The following TLK1 variants were observed in gnomAD, a reference collection of about 807,000 sequenced individuals.
TLK1 encodes tousled like kinase 1, also known as serine/threonine-protein kinase tousled-like 1.
TLK1 carries 24 observed loss-of-function variants against 105.3 expected under a neutral mutation model. The ratio of observed to expected loss-of-function variants is 0.23; its 90% CI spans 0.17 to 0.32. The LOEUF is 0.32. Ranked by LOEUF, TLK1 falls within the 10% of genes least tolerant of loss-of-function variation. TLK1 has a pLI of 1.00. For missense variants in TLK1, 558 were observed against 910.5 expected, an observed-to-expected ratio of 0.61 and a Z score of 4.98; for synonymous variants, 321 against 310.4, an observed-to-expected ratio of 1.03 and a Z score of -0.36.
At chr2:171,001,309 A>G (rs530405318) in intron 18 of TLK1, among the ~76,000 whole-genome samples, 1 of 152,208 alleles carries the variant, frequency 6.6e-6, no homozygotes, top group East Asian at 1.9e-4. Flanking sequence ...CTTGATCTAG[A>G]GGCTGAATTA....
chr2:171,024,990 T>A (rs1006597615), intron 12 of TLK1, among the ~76,000 whole-genome samples: 15 of 152,326 alleles, frequency 9.8e-5, no homozygotes, highest in Middle Eastern at 6.8e-3. Flanking sequence ...GCTGTGATTT[T>A]CCTAATCTCA....
chr2:171,207,097 G>A (rs574974523), intron 1 of TLK1, among the ~76,000 whole-genome samples: 1 of 152,172 alleles, frequency 6.6e-6, no homozygotes, highest in Non-Finnish European at 1.5e-5. Flanking sequence ...ACCTGCACAT[G>A]GATGTTTATA....
intron 2 of TLK1, among the ~76,000 whole-genome samples, chr2:171,101,144 G>C (rs909390093): frequency 2.7e-4 from 41 of 152,016 alleles, no homozygotes; most frequent in Non-Finnish European, 1.5e-5. Context: ...TCAGGAGTTT[G>C]AGACCAGCCT....
intron 1 of TLK1, among the ~76,000 whole-genome samples, chr2:171,204,055 GAAAAA>G (rs964924761): frequency 1.4e-5 from 2 of 144,012 alleles, no homozygotes; most frequent in Admixed American, 6.9e-5. Context: ...CTCTGTCTCA[GAAAAA>G]AAAAAGAAAA....
rs1687431302 is a variant in TLK1, at chr2:171,055,066, T to A, written c.639+17A>T. On this transcript the variant is annotated intron_variant, in intron 7 of 20. Coordinates refer to ENST00000431350, the MANE Select transcript of TLK1 (RefSeq NM_012290.5). Reference sequence around the variant, plus strand: ...TTCTTAGAAGCCATAGAAAAAAACATTTTAATTATCATTTACCTGAATAAT... The same window carrying A: ...TTCTTAGAAGCCATAGAAAAAAACAATTTAATTATCATTTACCTGAATAAT... 2.1e-6 allele frequency: 3 copies of A among 1,410,470 alleles called. No individual in the cohort carries two copies. The highest frequency in any genetic ancestry group is 2.8e-6 in the Non-Finnish European group (3 of 1,067,664). The allele number at this position is 1,410,470 out of a possible 1,614,324, so 87.4% of individuals were successfully genotyped here.
At chr2:171,024,406 G>C (rs1284804327) in intron 12 of TLK1, among the ~76,000 whole-genome samples, 1 of 152,098 alleles carries the variant, frequency 6.6e-6, no homozygotes, top group Non-Finnish European at 1.5e-5. Flanking sequence ...GTATGTGAAA[G>C]AGAATGAAAA....
chr2:171,051,905 T>A (rs144449005), intron 8 of TLK1, among the ~76,000 whole-genome samples: 1 of 152,154 alleles, frequency 6.6e-6, no homozygotes, highest in Non-Finnish European at 1.5e-5. Flanking sequence ...GTTATCCATA[T>A]AGAAAGAAAT....
intron 1 of TLK1, among the ~76,000 whole-genome samples, chr2:171,119,134 T>C (rs1192291856): frequency 1.4e-4 from 21 of 152,206 alleles, no homozygotes; most frequent in African/African-American, 9.6e-5. Context: ...CCCTCACTTA[T>C]GTCTTTTTAG....
intron 1 of TLK1, among the ~76,000 whole-genome samples, chr2:171,138,620 G>T (rs1276668864): frequency 1.3e-5 from 2 of 152,146 alleles, no homozygotes; most frequent in African/African-American, 4.8e-5. Flanking sequence ...ATGAGCAGGA[G>T]TAACAAGTCC....
chr2:171,201,199 ATATTAT>A (rs1693392212), intron 1 of TLK1, among the ~76,000 whole-genome samples: 1 of 151,994 alleles, frequency 6.6e-6, no homozygotes, highest in Non-Finnish European at 1.5e-5. Context: ...TCCCATTTTT[ATATTAT>A]CTGTCTTCCT....
chr2:171,048,248 G>C (rs1687055010), intron 10 of TLK1, among the ~76,000 whole-genome samples: 1 of 152,156 alleles, frequency 6.6e-6, no homozygotes, highest in Non-Finnish European at 1.5e-5. Context: ...TGCACCTGTG[G>C]CCTCTTTTCT....
intron 3 of TLK1, chr2:171,066,772 G>A: frequency 6.8e-7 from 1 of 1,480,304 alleles, no homozygotes. Context: ...TCCCTTTAAG[G>A]CTTTATTTGT....
intron 1 of TLK1, among the ~76,000 whole-genome samples, chr2:171,150,545 C>A (rs1691991681): frequency 6.6e-6 from 1 of 152,186 alleles, no homozygotes; most frequent in Non-Finnish European, 1.5e-5. Context: ...AGCTCATCTC[C>A]CAGGTTCCAA....
At chr2:171,077,229 A>C (rs1247441210) in intron 3 of TLK1, among the ~76,000 whole-genome samples, 1 of 152,158 alleles carries the variant, frequency 6.6e-6, no homozygotes, top group Non-Finnish European at 1.5e-5. Context: ...CATCTACCCC[A>C]ATTCAGGGGA....
At chr2:171,215,439 C>T (rs1693696061) in intron 1 of TLK1, among the ~76,000 whole-genome samples, 1 of 100,596 alleles carries the variant, frequency 9.9e-6, no homozygotes, top group Admixed American at 1.0e-4. Flanking sequence ...ATCAAGTCTG[C>T]ATTCAGGCTC....
intron 1 of TLK1, among the ~76,000 whole-genome samples, chr2:171,139,543 G>A (rs753283936): frequency 3.3e-5 from 5 of 151,894 alleles, no homozygotes; most frequent in Non-Finnish European, 5.9e-5. Context: ...GCAGTGAACC[G>A]AGATCCCACC....
At chr2:171,079,261 C>A (rs1040796020) in intron 3 of TLK1, among the ~76,000 whole-genome samples, 5 of 152,170 alleles carry the variant, frequency 3.3e-5, no homozygotes, top group African/African-American at 7.2e-5. Flanking sequence ...CTTAAAAACT[C>A]GACTATCATC....
At chr2:171,078,504 C>T (rs925898155) in intron 3 of TLK1, among the ~76,000 whole-genome samples, 2 of 151,896 alleles carry the variant, frequency 1.3e-5, no homozygotes, top group Non-Finnish European at 2.9e-5. Flanking sequence ...CGCCACTGCA[C>T]TCCAGCCTGG....
chr2:171,157,465 CAG>C (rs1558973386), intron 1 of TLK1, among the ~76,000 whole-genome samples: 1 of 152,172 alleles, frequency 6.6e-6, no homozygotes, highest in African/African-American at 2.4e-5. Context: ...ACTCCTCTAA[CAG>C]AACCACAAGA....
Sources: allele counts gnomAD v4.1 joint callset (sites outside exome capture counted in the v4.1 genomes callset), GRCh38; gene constraint gnomAD v4.1.1; transcripts MANE v1.5; gene names NCBI Gene and HGNC (gene_info 2026-07-23, HGNC 2026-07-21).